The following SORCS3 variants were observed in gnomAD, a reference collection of about 807,000 sequenced individuals.
The protein encoded by SORCS3 is VPS10 domain-containing receptor SorCS3.
Under a neutral mutation model 146.3 loss-of-function variants are expected in SORCS3, and 57 were observed. The ratio of observed to expected loss-of-function variants is 0.39; its 90% CI spans 0.31 to 0.49. SORCS3 has a LOEUF of 0.49. SORCS3 is among the 20% of genes least tolerant of loss of function. SORCS3 has a pLI of 0.92. For synonymous variants in SORCS3, 653 were observed against 618.5 expected, an observed-to-expected ratio of 1.06 and a Z score of -0.83; for missense variants, 1,341 against 1,575.5, an observed-to-expected ratio of 0.85 and a Z score of 2.52.
rs562646944 is a variant in SORCS3, at chr10:105,105,611, A to T, written c.1212+96A>T. 8.9e-5 allele frequency: 76 copies of T among 855,728 alleles called. No homozygotes were observed. In the South Asian group the frequency reaches 1.0e-3, roughly 11 times the overall value. 53.0% of individuals were successfully genotyped at this position (855,728 alleles called of 1,614,324 possible). A position where few individuals can be genotyped will look rare whatever the true frequency, so the allele number is the denominator to read the frequency against. ...GGGTGGCTTTCCCAAGGTTGTGAAG[A>T]TGTGGAGTTGAGACACTGTCCCTCC... On this transcript the variant is annotated intron_variant, in intron 7 of 26. Coordinates refer to ENST00000369701, the MANE Select transcript of SORCS3 (RefSeq NM_014978.3).
At chr10:104,668,180 C>T (rs1003925584) in intron 1 of SORCS3, among the ~76,000 whole-genome samples, 3 of 152,116 alleles carry the variant, frequency 2.0e-5, no homozygotes. Flanking sequence ...CATGTGTGTG[C>T]ACGCGCAATA....
chr10:105,235,590 G>A (rs565527685), intron 20 of SORCS3, among the ~76,000 whole-genome samples: 2 of 151,982 alleles, frequency 1.3e-5, no homozygotes, highest in Non-Finnish European at 2.9e-5. Context: ...ACTTGGAAAT[G>A]CTGGATATCT....
At chr10:105,089,697 T>C (rs547214430) in intron 5 of SORCS3, 78 bp from the exon 6 acceptor site, 19 of 1,097,376 alleles carry the variant, frequency 1.7e-5, no homozygotes, top group Non-Finnish European at 8.4e-6. Context: ...TGAGTAGCAG[T>C]TGGCCCTGAG....
At chr10:104,920,045 A>G (rs1261414591) in intron 3 of SORCS3, among the ~76,000 whole-genome samples, 1 of 152,226 alleles carries the variant, frequency 6.6e-6, no homozygotes, top group Non-Finnish European at 1.5e-5. Context: ...ACTTATGGTA[A>G]TATGGATACT....
At chr10:104,996,852 C>A (rs537136043) in intron 4 of SORCS3, among the ~76,000 whole-genome samples, 1 of 152,178 alleles carries the variant, frequency 6.6e-6, no homozygotes, top group East Asian at 1.9e-4. Flanking sequence ...CTTCAAATGT[C>A]AAGCAAGTAC....
rs185933345 is a variant in SORCS3 at position 105,082,911 on chromosome 10, G to C, written c.1029-6864G>C. On this transcript the variant is annotated intron_variant, in intron 5 of 26. Coordinates refer to ENST00000369701, the MANE Select transcript of SORCS3 (RefSeq NM_014978.3). ...ACACCCGGCTAATTTTGTATTTTTA[G>C]TAGAGACAGGGTTTCATCATGTTGG... is the stretch of plus-strand genomic sequence containing the variant. Among the ~76,000 whole-genome samples the C allele has an allele frequency of 5.3e-5, 8 of 152,082 alleles. No individual in the cohort carries two copies. In the East Asian group the frequency reaches 1.6e-3, roughly 29 times the overall value.
intron 1 of SORCS3, among the ~76,000 whole-genome samples, chr10:104,774,375 G>T (rs1177316809): frequency 6.6e-6 from 1 of 152,170 alleles, no homozygotes; most frequent in African/African-American, 2.4e-5. Context: ...GTATTCAGCT[G>T]CACCACAGCC....
chr10:105,262,216 G>A (rs752100565), intron 25 of SORCS3, 115 bp from the exon 26 acceptor site: 17 of 951,962 alleles, frequency 1.8e-5, no homozygotes, highest in Non-Finnish European at 2.7e-5. Flanking sequence ...ATCTTTCCCT[G>A]ACATGGACCC....
intron 1 of SORCS3, chr10:104,665,462 A>T (rs548935021): frequency 2.0e-5 from 3 of 152,176 alleles, no homozygotes; most frequent in Non-Finnish European, 4.4e-5. Flanking sequence ...TGTAGTAATC[A>T]CTTAGTCACT....
At chr10:105,049,435 A>C (rs1430040630) in intron 5 of SORCS3, among the ~76,000 whole-genome samples, 1 of 152,040 alleles carries the variant, frequency 6.6e-6, no homozygotes, top group African/African-American at 2.4e-5. Flanking sequence ...CTTATGTAAA[A>C]CAATCTACCC....
chr10:104,859,992 A>G (rs1343414101), intron 2 of SORCS3, among the ~76,000 whole-genome samples: 1 of 89,090 alleles, frequency 1.1e-5, no homozygotes, highest in African/African-American at 3.4e-5. Context: ...TAGTTCAACC[A>G]TTGTGGAAGT....
Position 104,659,595 on chromosome 10 carries a change from T to C in SORCS3, c.627+17641T>C, listed in dbSNP as rs2015675227. 2.0e-5 allele frequency among the ~76,000 whole-genome samples: 3 copies of C among 152,312 alleles called. No individual in the cohort carries two copies. In the South Asian group the frequency reaches 6.2e-4, roughly 32 times the overall value. On this transcript the variant is annotated intron_variant, in intron 1 of 26. Coordinates refer to ENST00000369701, the MANE Select transcript of SORCS3 (RefSeq NM_014978.3). ...TGGATCGGAAGGACCTGATCTTGAA[T>C]CTTAGCTCCACCCCTGACTAGGTAG...
At chr10:104,707,155 C>CG (rs2016346299) in intron 1 of SORCS3, among the ~76,000 whole-genome samples, 1 of 152,132 alleles carries the variant, frequency 6.6e-6, no homozygotes, top group South Asian at 2.1e-4. Context: ...GCTAAGAGCA[C>CG]GTTTCCTAGT....
chr10:105,249,144 C>A (rs963759858), intron 22 of SORCS3, among the ~76,000 whole-genome samples: 4 of 152,130 alleles, frequency 2.6e-5, no homozygotes, highest in Admixed American at 2.0e-4. Flanking sequence ...GAGAGAAATT[C>A]TCTGATAACA....
chr10:104,696,720 AAC>A (rs2016218880), intron 1 of SORCS3, among the ~76,000 whole-genome samples: 1 of 91,634 alleles, frequency 1.1e-5, no homozygotes, highest in Non-Finnish European at 2.0e-5. Context: ...TATAATATAT[AAC>A]ATATATAATA....
At chr10:104,924,157 C>A (rs1395614229) in intron 3 of SORCS3, among the ~76,000 whole-genome samples, 2 of 152,158 alleles carry the variant, frequency 1.3e-5, no homozygotes, top group African/African-American at 4.8e-5. Flanking sequence ...AGACTCACTG[C>A]ATATTGGAGC....
At chr10:104,826,549 G>A (rs1490178) in intron 1 of SORCS3, among the ~76,000 whole-genome samples, 19,222 of 152,208 alleles carry the variant, frequency 0.13, 1,287 homozygotes, top group South Asian at 0.25. Flanking sequence ...CTAAAAAAAT[G>A]CATACTTCAA....
chr10:105,082,933 T>A (rs57160690), intron 5 of SORCS3, among the ~76,000 whole-genome samples: 11,942 of 152,114 alleles, frequency 0.079, 574 homozygotes, highest in Middle Eastern at 0.12. Flanking sequence ...TTTCATCATG[T>A]TGGTCAGGCT....
chr10:105,263,277 T>C, intron 26 of SORCS3, 33 bp from the exon 27 acceptor site: 1 of 1,609,408 alleles, frequency 6.2e-7, no homozygotes, highest in Non-Finnish European at 8.5e-7. Context: ...GGAACTCACA[T>C]CCATTTCTCC....
Sources: gnomAD v4.1 joint callset for allele counts (sites outside exome capture counted in the v4.1 genomes callset) on GRCh38, gnomAD v4.1.1 for gene constraint, MANE v1.5 for transcripts, NCBI Gene and HGNC (gene_info 2026-07-23, HGNC 2026-07-21) for gene names.